The following MAGI3 variants were observed in gnomAD, a reference collection of about 807,000 sequenced individuals.
MAGI3 encodes membrane-associated guanylate kinase, WW and PDZ domain-containing protein 3.
MAGI3 carries 43 observed loss-of-function variants against 121.8 expected under a neutral mutation model. The ratio of observed to expected loss-of-function variants is 0.35; its 90% confidence interval spans 0.28 to 0.46. MAGI3 has a LOEUF of 0.46. Among genes scored for constraint, MAGI3 ranks in the 20% least tolerant of loss-of-function variants. The pLI, the probability that MAGI3 is intolerant of heterozygous loss-of-function variation, is 1.00. For missense variants in MAGI3, 1,547 were observed against 1,797.3 expected, an observed-to-expected ratio of 0.86 and a Z score of 2.52; for synonymous variants, 553 against 639.3, an observed-to-expected ratio of 0.86 and a Z score of 2.04.
At chr1:113,426,616 GA>G (rs1481010219) in intron 1 of MAGI3, among the ~76,000 whole-genome samples, 2 of 152,112 alleles carry the variant, frequency 1.3e-5, no homozygotes, top group East Asian at 3.8e-4. Flanking sequence ...TTTCCTAGTA[GA>G]TTGACCCTTT....
chr1:113,545,203 A>C (rs1222697887), intron 1 of MAGI3, among the ~76,000 whole-genome samples: 1 of 152,168 alleles, frequency 6.6e-6, no homozygotes, highest in African/African-American at 2.4e-5. Flanking sequence ...CCAATTCCCT[A>C]CTTTAAACTG....
chr1:113,407,309 A>G (rs149309053), intron 1 of MAGI3, among the ~76,000 whole-genome samples: 6 of 152,150 alleles, frequency 3.9e-5, no homozygotes, highest in African/African-American at 1.2e-4. Context: ...TAGATTTGAG[A>G]TATGTTTTTA....
chr1:113,480,302 CAGGGCCTAT>C (rs1279569965), intron 1 of MAGI3, among the ~76,000 whole-genome samples: 1 of 152,172 alleles, frequency 6.6e-6, no homozygotes, highest in Non-Finnish European at 1.5e-5. Flanking sequence ...GGCCATTTTG[CAGGGCCTAT>C]AGGGAGGGCT....
chr1:113,540,974 G>T (rs1659265092), intron 1 of MAGI3, among the ~76,000 whole-genome samples: 1 of 152,174 alleles, frequency 6.6e-6, no homozygotes, highest in Admixed American at 6.5e-5. Flanking sequence ...GTTTGGTAGA[G>T]CTCATGGATT....
intron 1 of MAGI3, among the ~76,000 whole-genome samples, chr1:113,421,347 A>C (rs374973703): frequency 1.6e-3 from 238 of 152,360 alleles, no homozygotes; most frequent in African/African-American, 4.8e-3. Flanking sequence ...CCATTTGAGG[A>C]TATGACCAGA....
intron 4 of MAGI3, among the ~76,000 whole-genome samples, chr1:113,589,231 G>C (rs1648556330): frequency 6.6e-6 from 1 of 152,106 alleles, no homozygotes; most frequent in African/African-American, 2.4e-5. Context: ...GGGAAAAGTA[G>C]TGGATGGTTT....
intron 1 of MAGI3, among the ~76,000 whole-genome samples, chr1:113,495,819 A>G (rs1315837412): frequency 6.6e-6 from 1 of 152,216 alleles, no homozygotes; most frequent in Non-Finnish European, 1.5e-5. Context: ...TAAACTCTGT[A>G]ATTACTATAG....
intron 19 of MAGI3, among the ~76,000 whole-genome samples, chr1:113,677,175 A>G (rs1388651657): frequency 1.3e-5 from 2 of 152,244 alleles, no homozygotes; most frequent in African/African-American, 2.4e-5. Flanking sequence ...AGGAACTGAG[A>G]AATAGCTGAA....
chr1:113,413,510 G>A (rs1200193282), intron 1 of MAGI3, among the ~76,000 whole-genome samples: 1 of 152,110 alleles, frequency 6.6e-6, no homozygotes, highest in Admixed American at 6.6e-5. Flanking sequence ...CTATCCATGT[G>A]CATGGAATAT....
intron 1 of MAGI3, among the ~76,000 whole-genome samples, chr1:113,543,059 TA>T (rs1475164861): frequency 1.3e-4 from 19 of 151,784 alleles, no homozygotes; most frequent in African/African-American, 4.3e-4. Flanking sequence ...AATATGTATA[TA>T]ATAATGATAA....
intron 2 of MAGI3, among the ~76,000 whole-genome samples, chr1:113,556,661 C>G (rs1660006623): frequency 6.7e-6 from 1 of 149,300 alleles, no homozygotes; most frequent in Non-Finnish European, 1.5e-5. Flanking sequence ...CTCCTGGGCT[C>G]AAGTTATCCT....
At chr1:113,464,261 T>C (rs928649896) in intron 1 of MAGI3, among the ~76,000 whole-genome samples, 1 of 152,084 alleles carries the variant, frequency 6.6e-6, no homozygotes, top group Non-Finnish European at 1.5e-5. Context: ...ATTTGTCTTT[T>C]ACTGCTTGGA....
chr1:113,407,177 C>G (rs1207477173), intron 1 of MAGI3, among the ~76,000 whole-genome samples: 1 of 151,914 alleles, frequency 6.6e-6, no homozygotes, highest in African/African-American at 2.4e-5. Flanking sequence ...GTATGTATGT[C>G]AAAAAGTCAT....
chr1:113,632,680 T>A lies in MAGI3; in HGVS notation c.1361-9231T>A, dbSNP rs913921681. The stretch of plus-strand genomic sequence containing the variant: ...TAAGCTGCCTTGTCAGTGTCTTCAA[T>A]AATGCATTGTTTGCTTCTGTTGAAT... On this transcript the variant is annotated intron_variant, in intron 9 of 20. Coordinates refer to ENST00000307546, the MANE Select transcript of MAGI3 (RefSeq NM_001142782.2). Among the ~76,000 whole-genome samples the A allele has an allele frequency of 3.9e-5, 6 of 152,362 alleles. No individual in the cohort carries two copies. The East Asian group carries it at 1.2e-3, about 29-fold the overall frequency.
rs1648452254 is a variant in MAGI3, at chr1:113,684,856, T to G, written c.*842T>G. ...TAAAGAAGCATGTGGAAATAGTGTTTATTGCTCTTTGAAGAAAAACCACCA... is the reference window on the plus strand; with the variant it reads ...TAAAGAAGCATGTGGAAATAGTGTTGATTGCTCTTTGAAGAAAAACCACCA... On this transcript the variant is annotated 3_prime_UTR_variant, in exon 21 of 21. Coordinates refer to ENST00000307546, the MANE Select transcript of MAGI3 (RefSeq NM_001142782.2). 6.6e-6 allele frequency: 1 copy of G among 152,392 alleles called. No homozygotes were observed. 9.4% of individuals were successfully genotyped at this position (152,392 alleles called of 1,614,324 possible). A position where few individuals can be genotyped will look rare whatever the true frequency, so the allele number is the denominator to read the frequency against.
intron 17 of MAGI3, among the ~76,000 whole-genome samples, chr1:113,672,243 T>C (rs1162915867): frequency 6.6e-6 from 1 of 152,218 alleles, no homozygotes; most frequent in African/African-American, 2.4e-5. Context: ...TTGAAAATAT[T>C]AGCCTAGATT....
chr1:113,495,240 C>T (rs888020689), intron 1 of MAGI3, among the ~76,000 whole-genome samples: 1 of 151,866 alleles, frequency 6.6e-6, no homozygotes, highest in Non-Finnish European at 1.5e-5. Flanking sequence ...TTGTTAGGCT[C>T]TCATATAAAT....
chr1:113,553,369 C>G (rs1659859484), intron 2 of MAGI3, among the ~76,000 whole-genome samples: 7 of 152,114 alleles, frequency 4.6e-5, no homozygotes, highest in Admixed American at 4.6e-4. Context: ...AGAGCTCAAG[C>G]AATCTGTAAA....
At chr1:113,437,804 CTTTTCT>C (rs1557756781) in intron 1 of MAGI3, among the ~76,000 whole-genome samples, 3 of 137,064 alleles carry the variant, frequency 2.2e-5, no homozygotes, top group African/African-American at 8.1e-5. Flanking sequence ...CTTCTTTCTT[CTTTTCT>C]TCTTCTTCTT....
Sources: allele counts gnomAD v4.1 joint callset (sites outside exome capture counted in the v4.1 genomes callset), GRCh38; gene constraint gnomAD v4.1.1; transcripts MANE v1.5; gene names NCBI Gene and HGNC (gene_info 2026-07-23, HGNC 2026-07-21).